The following SLC39A11 variants were observed in gnomAD, a reference collection of about 807,000 sequenced individuals.
SLC39A11 encodes the protein solute carrier family 39 member 11, also known as zinc transporter ZIP11.
SLC39A11 carries 33 observed loss-of-function variants against 36.1 expected under a neutral mutation model. That is an observed-to-expected ratio of 0.91 (90% CI 0.69 to 1.22). The LOEUF (loss-of-function observed/expected upper bound fraction) is 1.22. Among genes scored for constraint, SLC39A11 ranks in the 50% most tolerant of loss-of-function variants. SLC39A11 has a pLI of 0.00. For missense variants in SLC39A11, 432 were observed against 430.3 expected, an observed-to-expected ratio of 1.00 and a Z score of -0.03; for synonymous variants, 166 against 170.3, an observed-to-expected ratio of 0.97 and a Z score of 0.20.
chr17:72,672,701 G>A (rs2071075599), intron 7 of SLC39A11, among the ~76,000 whole-genome samples: 1 of 152,170 alleles, frequency 6.6e-6, no homozygotes, highest in Admixed American at 6.5e-5. Context: ...CTGGGCTCCA[G>A]TGATCTTCTT....
At chr17:72,683,991 T>C (rs2071626172) in intron 7 of SLC39A11, among the ~76,000 whole-genome samples, 1 of 152,108 alleles carries the variant, frequency 6.6e-6, no homozygotes, top group African/African-American at 2.4e-5. Context: ...GCTCTTTAAG[T>C]CCCAGGGGAA....
intron 7 of SLC39A11, among the ~76,000 whole-genome samples, chr17:72,687,133 C>T (rs1170109562): frequency 6.6e-6 from 1 of 152,194 alleles, no homozygotes. Context: ...CTCAAGCCAT[C>T]TTCCCACTTC....
At chr17:73,062,461 C>CAAA (rs1555698613) in intron 3 of SLC39A11, among the ~76,000 whole-genome samples, 2 of 27,838 alleles carry the variant, frequency 7.2e-5, no homozygotes, top group South Asian at 2.0e-3. Context: ...GAGCTTGTCT[C>CAAA]AAAAAAAAAA....
intron 3 of SLC39A11, among the ~76,000 whole-genome samples, chr17:73,049,348 G>A (rs1049458183): frequency 3.9e-5 from 6 of 152,240 alleles, no homozygotes; most frequent in African/African-American, 1.4e-4. Context: ...TTAGGGTTGG[G>A]ACCAGGAGCA....
At chr17:73,075,105 C>G (rs149887327) in intron 3 of SLC39A11, among the ~76,000 whole-genome samples, 2,882 of 152,316 alleles carry the variant, frequency 0.019, 41 homozygotes, top group Non-Finnish European at 0.029. Context: ...TGCCTTCTCA[C>G]TCACATGAAA....
intron 6 of SLC39A11, among the ~76,000 whole-genome samples, chr17:72,740,629 A>G (rs1391617883): frequency 4.6e-5 from 7 of 152,164 alleles, no homozygotes. Context: ...CCGTGCTGTT[A>G]TTCAAGGTTT....
chr17:73,087,624 G>GGTATGGGTATGTGTGCAA (rs1179431687), intron 2 of SLC39A11, among the ~76,000 whole-genome samples: 1 of 152,040 alleles, frequency 6.6e-6, no homozygotes, highest in Admixed American at 6.6e-5. Flanking sequence ...AGGGCATATG[G>GGTATGGGTATGTGTGCAA]GTATGGGTAT....
intron 3 of SLC39A11, among the ~76,000 whole-genome samples, chr17:73,041,144 T>C (rs2059101454): frequency 6.6e-6 from 1 of 152,210 alleles, no homozygotes. Context: ...TATCACAGAA[T>C]GTACGTTGTA....
chr17:73,085,178 G>T (rs929685350), intron 2 of SLC39A11, among the ~76,000 whole-genome samples: 3 of 152,118 alleles, frequency 2.0e-5, no homozygotes, highest in Non-Finnish European at 4.4e-5. Flanking sequence ...ATTACTGAGC[G>T]TTGGTGAGGA....
intron 7 of SLC39A11, among the ~76,000 whole-genome samples, chr17:72,717,118 G>GTATATACTTATATGTATATGTA (rs1567979336): frequency 1.5e-3 from 180 of 120,898 alleles, no homozygotes; most frequent in African/African-American, 6.2e-3. Flanking sequence ...ATGTATATAT[G>GTATATACTTATATGTATATGTA]TATATATGTA....
chr17:73,033,543 G>A (rs1407769909), intron 3 of SLC39A11, among the ~76,000 whole-genome samples: 1 of 152,128 alleles, frequency 6.6e-6, no homozygotes, highest in Non-Finnish European at 1.5e-5. Flanking sequence ...AGGAGTTCAA[G>A]GCCAGCCTGG....
intron 5 of SLC39A11, among the ~76,000 whole-genome samples, chr17:72,938,936 G>T (rs1804853722): frequency 6.6e-6 from 1 of 152,200 alleles, no homozygotes; most frequent in Admixed American, 6.5e-5. Context: ...CCCAGCAGCT[G>T]CTCTAAGGGC....
intron 6 of SLC39A11, among the ~76,000 whole-genome samples, chr17:72,775,859 C>G (rs2076114323): frequency 6.6e-6 from 1 of 152,244 alleles, no homozygotes; most frequent in Admixed American, 6.5e-5. Flanking sequence ...CTGCTGAGAA[C>G]TTGGCCCCGG....
intron 6 of SLC39A11, among the ~76,000 whole-genome samples, chr17:72,833,382 C>T (rs2078370468): frequency 6.6e-6 from 1 of 152,206 alleles, no homozygotes; most frequent in Non-Finnish European, 1.5e-5. Context: ...TATCACAAAG[C>T]AGCAAATGAA....
intron 4 of SLC39A11, among the ~76,000 whole-genome samples, chr17:72,981,456 T>C (rs2088293620): frequency 1.3e-5 from 2 of 152,174 alleles, no homozygotes; most frequent in Non-Finnish European, 2.9e-5. Flanking sequence ...CAACAAATGG[T>C]ATCAAGACTT....
At chr17:72,794,564 A>T (rs2076828837) in intron 6 of SLC39A11, among the ~76,000 whole-genome samples, 1 of 150,414 alleles carries the variant, frequency 6.6e-6, no homozygotes, top group Non-Finnish European at 1.5e-5. Context: ...TGTCCAAGCC[A>T]CTCCCTGCTC....
At chr17:72,892,890 C>T (rs1310080728) in intron 5 of SLC39A11, among the ~76,000 whole-genome samples, 1 of 152,136 alleles carries the variant, frequency 6.6e-6, no homozygotes, top group Non-Finnish European at 1.5e-5. Context: ...GGGAAGGGAA[C>T]GAATGTAGCT....
intron 5 of SLC39A11, among the ~76,000 whole-genome samples, chr17:72,890,258 C>T (rs1161954391): frequency 6.8e-6 from 1 of 147,906 alleles, no homozygotes; most frequent in Non-Finnish European, 1.5e-5. Flanking sequence ...GAGTGAGACT[C>T]CATCTCAAAC....
chr17:73,031,573 G>A lies in SLC39A11; in HGVS notation c.289C>T (p.Leu97Phe), dbSNP rs1221100895. ...LGAAFVYLAD[L>F]LMPHLGAAED... The stretch of plus-strand genomic sequence containing the variant: ...GTACTCACCAAGTGAGGCATCAGGA[G>A]GTCAGCCAAGTAGACAAAAGCCGCT... The change falls in exon 4 of 10, where the codon CTC becomes TTC. Residue 97 changes from leucine to phenylalanine, a missense_variant. Leu to Phe is a conservative substitution (Grantham distance 22, BLOSUM62 0). Transcript: ENST00000255559. 1.2e-5 allele frequency: 20 copies of A among 1,614,058 alleles called. No homozygotes were observed. Among genetic ancestry groups the A allele is most frequent in the South Asian group, 2.2e-5 (2 of 91,090 alleles).
Sources: allele counts gnomAD v4.1 joint callset (sites outside exome capture counted in the v4.1 genomes callset), GRCh38; gene constraint gnomAD v4.1.1; transcripts MANE v1.5; gene names NCBI Gene and HGNC (gene_info 2026-07-23, HGNC 2026-07-21).